ZGRF1: variants seen among roughly 807,000 people sequenced by gnomAD.
ZGRF1 encodes zinc finger GRF-type containing 1, also known as 5'-3' DNA helicase ZGRF1.
ZGRF1 carries 196 observed loss-of-function variants against 203.5 expected under a neutral mutation model. The observed-to-expected ratio is 0.96, with a 90% CI of 0.86 to 1.08. The LOEUF (loss-of-function observed/expected upper bound fraction) is 1.08. Among genes scored for constraint, ZGRF1 ranks in the 50% least tolerant of loss-of-function variants. ZGRF1 has a pLI of 0.00. For missense variants in ZGRF1, 2,326 were observed against 2,416.3 expected, an observed-to-expected ratio of 0.96 and a Z score of 0.78; for synonymous variants, 809 against 841.3, an observed-to-expected ratio of 0.96 and a Z score of 0.66.
chr4:112,618,540 T>A lies in ZGRF1; in HGVS notation c.1502A>T (p.Asp501Val). The stretch of plus-strand genomic sequence containing the variant: ...ATCCATTTTACTTTCAGAAATCATG[T>A]CTGTAATGTCATCAGAGATCCTAGA... ...NNSRISDDIT[D>V]MISESKMDNE... Residue 501 changes from aspartate to valine, a missense_variant, in exon 6 of 28, where the codon GAC becomes GTC. Asp to Val is a radical substitution (Grantham distance 152, BLOSUM62 -3). Coordinates refer to ENST00000505019, the MANE Select transcript of ZGRF1 (RefSeq NM_018392.5). 2 of 1,613,470 alleles carry A rather than the reference T, an allele frequency of 1.2e-6. No homozygotes were observed. Among genetic ancestry groups the A allele is most frequent in the Non-Finnish European group, 1.7e-6 (2 of 1,179,688 alleles).
intron 10 of ZGRF1, among the ~76,000 whole-genome samples, chr4:112,590,605 T>C (rs1747987109): frequency 6.6e-6 from 1 of 151,998 alleles, no homozygotes; most frequent in Non-Finnish European, 1.5e-5. Flanking sequence ...TTAAAATGAT[T>C]ATGTTAGTGA....
chr4:112,604,283 T>G (rs1402373309), intron 9 of ZGRF1, among the ~76,000 whole-genome samples: 1 of 152,028 alleles, frequency 6.6e-6, no homozygotes, highest in East Asian at 1.9e-4. Flanking sequence ...AAGTATAATT[T>G]TATTACAAGC....
chr4:112,567,114 T>C (rs767682876), intron 16 of ZGRF1, among the ~76,000 whole-genome samples: 1 of 152,222 alleles, frequency 6.6e-6, no homozygotes, highest in Non-Finnish European at 1.5e-5. Flanking sequence ...CTTTTTCCTT[T>C]TAACCAGAGG....
intron 1 of ZGRF1, among the ~76,000 whole-genome samples, chr4:112,635,931 C>T (rs2047605311): frequency 1.3e-5 from 2 of 151,516 alleles, no homozygotes; most frequent in Admixed American, 1.3e-4. Flanking sequence ...GACTGAAACT[C>T]TTAAAGGATG....
At chr4:112,636,395 C>CT (rs1025239480) in intron 1 of ZGRF1, among the ~76,000 whole-genome samples, 27 of 151,188 alleles carry the variant, frequency 1.8e-4, no homozygotes, top group Admixed American at 1.2e-3. Context: ...GATATTTTTC[C>CT]TTTTTTTTTA....
chr4:112,614,814 G>C (rs147531174), intron 6 of ZGRF1, among the ~76,000 whole-genome samples: 2 of 150,732 alleles, frequency 1.3e-5, no homozygotes, highest in African/African-American at 2.5e-5. Context: ...GCAACAGAGC[G>C]AGACTCTGTG....
At chr4:112,558,509 C>T (rs769958110) in intron 19 of ZGRF1, among the ~76,000 whole-genome samples, 200 bp from the exon 20 acceptor site, 21 of 151,992 alleles carry the variant, frequency 1.4e-4, no homozygotes, top group African/African-American at 4.6e-4. Flanking sequence ...CTGGGATTAC[C>T]GGCGTGCACC....
At chr4:112,614,193 C>T (rs1166890622) in intron 6 of ZGRF1, among the ~76,000 whole-genome samples, 1 of 152,046 alleles carries the variant, frequency 6.6e-6, no homozygotes, top group Non-Finnish European at 1.5e-5. Context: ...TATGTTATAC[C>T]CTAGTGATTC....
intron 16 of ZGRF1, among the ~76,000 whole-genome samples, chr4:112,573,602 T>C (rs1744615623): frequency 6.6e-6 from 1 of 152,166 alleles, no homozygotes; most frequent in East Asian, 1.9e-4. Context: ...GTAAAACATT[T>C]AGTAGAAAAT....
intron 7 of ZGRF1, among the ~76,000 whole-genome samples, chr4:112,611,522 C>T (rs1031254716): frequency 2.0e-5 from 3 of 152,212 alleles, no homozygotes; most frequent in African/African-American, 7.2e-5. Context: ...TCCAAAAGTG[C>T]TAACAGCATC....
At chr4:112,628,758 CCAT>C in intron 3 of ZGRF1, 1 of 444,484 alleles carries the variant, frequency 2.2e-6, no homozygotes, top group Non-Finnish European at 4.5e-6. Context: ...ACTAGCATGA[CCAT>C]AATAATTTGG....
intron 4 of ZGRF1, among the ~76,000 whole-genome samples, chr4:112,620,555 A>C (rs1465613171): frequency 2.0e-5 from 3 of 152,122 alleles, no homozygotes; most frequent in African/African-American, 7.2e-5. Flanking sequence ...CTCTACAAAA[A>C]ATTTTTATTT....
intron 3 of ZGRF1, 28 bp downstream of exon 3, chr4:112,631,902 A>T (rs756913443): frequency 7.6e-7 from 1 of 1,318,332 alleles, no homozygotes; most frequent in Non-Finnish European, 1.0e-6. Context: ...TTGCTCTTGC[A>T]CCCTATAGTC....
chr4:112,600,043 GT>G (rs1048132595), intron 10 of ZGRF1, among the ~76,000 whole-genome samples: 5 of 142,050 alleles, frequency 3.5e-5, no homozygotes, highest in South Asian at 4.2e-4. Context: ...TTGAGGTAAT[GT>G]TTTTTTTTCT....
At chr4:112,582,766 A>G (rs1460226446) in intron 15 of ZGRF1, among the ~76,000 whole-genome samples, 1 of 152,038 alleles carries the variant, frequency 6.6e-6, no homozygotes, top group East Asian at 1.9e-4. Flanking sequence ...CCTTTGGTTT[A>G]TTTCACTTAA....
chr4:112,549,867 G>T (rs1739573044), intron 22 of ZGRF1, among the ~76,000 whole-genome samples: 1 of 152,046 alleles, frequency 6.6e-6, no homozygotes, highest in Non-Finnish European at 1.5e-5. Flanking sequence ...AGCGCTGACA[G>T]CCCCATGTGT....
chr4:112,604,207 T>G (rs1024980957), intron 9 of ZGRF1, among the ~76,000 whole-genome samples: 2 of 143,436 alleles, frequency 1.4e-5, no homozygotes, highest in Non-Finnish European at 3.0e-5. Context: ...CTGGGTGACA[T>G]AGAGAGATTC....
At chr4:112,585,873 A>T in intron 13 of ZGRF1, 148 bp from the exon 14 acceptor site, 1 of 467,494 alleles carries the variant, frequency 2.1e-6, no homozygotes, top group Non-Finnish European at 3.6e-6. Context: ...TTTTCTGCTA[A>T]ATTTAACAGG....
At chr4:112,556,077 AC>A (rs911677786) in intron 20 of ZGRF1, among the ~76,000 whole-genome samples, 1 of 152,016 alleles carries the variant, frequency 6.6e-6, no homozygotes, top group Non-Finnish European at 1.5e-5. Flanking sequence ...TAAAAAAAAA[AC>A]AAAAACAAAA....
Sources: allele counts gnomAD v4.1 joint callset (sites outside exome capture counted in the v4.1 genomes callset), GRCh38; gene constraint gnomAD v4.1.1; transcripts MANE v1.5; gene names NCBI Gene and HGNC (gene_info 2026-07-23, HGNC 2026-07-21).